Variants in NLRP14 observed in about 807,000 individuals in gnomAD.
The protein encoded by NLRP14 is NACHT, LRR and PYD domains-containing protein 14.
Under a neutral mutation model 94.7 loss-of-function variants are expected in NLRP14, and 105 were observed. The observed-to-expected ratio is 1.11, with a 90% CI of 0.95 to 1.30. The LOEUF (loss-of-function observed/expected upper bound fraction) is 1.30, where lower values mean the gene tolerates loss of function less well. NLRP14 is among the 50% of genes most tolerant of loss of function. The pLI is 0.00. For missense variants in NLRP14, 1,362 were observed against 1,254.1 expected (o/e 1.09, Z -1.30); for synonymous variants, 508 against 459.9 (o/e 1.10, Z -1.34).
At chr11:7,062,537 C>T (rs201647678) in intron 10 of NLRP14, 34 bp downstream of exon 10, 4 of 1,576,196 alleles carry the variant, frequency 2.5e-6, no homozygotes, top group East Asian at 2.2e-5. Context: ...GAAAATGATG[C>T]CTATTTGGTA....
intron 10 of NLRP14, among the ~76,000 whole-genome samples, chr11:7,063,014 G>T (rs2119695521): frequency 6.6e-6 from 1 of 152,234 alleles, no homozygotes; most frequent in African/African-American, 2.4e-5. Flanking sequence ...TCAGGGTCAA[G>T]AATTGTGCTC....
chr11:7,084,847 A>T, the NLRP14 span, among the ~76,000 whole-genome samples: 1 of 152,228 alleles, frequency 6.6e-6, no homozygotes, highest in East Asian at 1.9e-4. Flanking sequence ...TCATCTGGGG[A>T]TCCACTTCTT....
intron 1 of NLRP14, among the ~76,000 whole-genome samples, chr11:7,027,013 T>C (rs1852026281): frequency 6.6e-6 from 1 of 151,964 alleles, no homozygotes; most frequent in Admixed American, 6.6e-5. Context: ...CCCTTGCCCA[T>C]CCACACAATG....
intron 8 of NLRP14, 133 bp downstream of exon 8, chr11:7,058,583 T>A: frequency 1.4e-6 from 1 of 701,414 alleles, no homozygotes; most frequent in Non-Finnish European, 2.5e-6. Context: ...GTGAAAGTGA[T>A]ATTAATAATT....
the NLRP14 span, chr11:7,089,165 C>G: frequency 6.2e-7 from 1 of 1,613,948 alleles, no homozygotes; most frequent in South Asian, 1.1e-5. Context: ...TTGGGGGCCT[C>G]AACCTCGAAA....
the NLRP14 span, among the ~76,000 whole-genome samples, chr11:7,084,609 G>A: frequency 2.0e-5 from 3 of 151,976 alleles, no homozygotes; most frequent in Admixed American, 6.5e-5. Flanking sequence ...CTAGAAGGGT[G>A]GCTCACTCCA....
chr11:7,087,408 C>A, the NLRP14 span, among the ~76,000 whole-genome samples: 3 of 152,170 alleles, frequency 2.0e-5, no homozygotes. Flanking sequence ...TGGAGCCCTG[C>A]AAATAAATGC....
At position 7,043,386 on chromosome 11, in the gene NLRP14, C is replaced by T. The variant is rs1256740751; in HGVS notation, c.1360C>T (p.Gln454Ter). 1 of 1,614,144 alleles carries T rather than the reference C, an allele frequency of 6.2e-7. No individual in the cohort carries two copies. The highest frequency in any genetic ancestry group is 1.1e-5 in the South Asian group (1 of 91,078). Residue 454 changes from glutamine (Q) to a stop codon, truncating the protein, a stop_gained, in exon 4 of 12, where the codon CAA (glutamine) becomes TAA (stop). Transcript: ENST00000299481. LOFTEE classifies it high-confidence loss of function. ...AAATCTCAGAAGGCTTGGGTTAACT[C>T]AATCTGATGTCTCTAGTTTTATGGA... ...RENLRRLGLTQSDVSSFMDSN... is the reference protein window; with the variant it reads ...RENLRRLGLT
chr11:7,035,978 G>A (rs1323577733), intron 1 of NLRP14, among the ~76,000 whole-genome samples: 3 of 152,186 alleles, frequency 2.0e-5, no homozygotes, highest in Non-Finnish European at 2.9e-5. Flanking sequence ...ACCTGGGCAA[G>A]TTTCTTAATT....
chr11:7,078,031 C>T, the NLRP14 span, among the ~76,000 whole-genome samples: 1 of 152,038 alleles, frequency 6.6e-6, no homozygotes, highest in East Asian at 1.9e-4. Flanking sequence ...GTTTGCACAA[C>T]AATGTGAATG....
At chr11:7,060,203 C>G (rs1317019778) in intron 9 of NLRP14, 139 bp downstream of exon 9, 5 of 803,178 alleles carry the variant, frequency 6.2e-6, no homozygotes, top group African/African-American at 1.7e-5. Context: ...CTGCCTGAGA[C>G]AAGCTGGGGA....
At chr11:7,049,309 A>G (rs1852405862) in intron 5 of NLRP14, among the ~76,000 whole-genome samples, 1 of 152,190 alleles carries the variant, frequency 6.6e-6, no homozygotes, top group African/African-American at 2.4e-5. Flanking sequence ...CAGACAGTTG[A>G]TGCTAATTTT....
downstream of NLRP14, among the ~76,000 whole-genome samples, chr11:7,074,994 G>A: frequency 6.6e-6 from 1 of 152,184 alleles, no homozygotes; most frequent in Non-Finnish European, 1.5e-5. Context: ...TGCACCTGGG[G>A]AAGATAAGCT....
intron 1 of NLRP14, among the ~76,000 whole-genome samples, chr11:7,030,679 A>G (rs1852077917): frequency 6.6e-6 from 1 of 152,158 alleles, no homozygotes; most frequent in African/African-American, 2.4e-5. Flanking sequence ...TATTTTATTC[A>G]CTGCTAGACA....
At chr11:7,031,910 C>T (rs1445837078) in intron 1 of NLRP14, among the ~76,000 whole-genome samples, 1 of 152,186 alleles carries the variant, frequency 6.6e-6, no homozygotes, top group East Asian at 1.9e-4. Context: ...TGCTTGCTCC[C>T]GGCGTTGGTC....
the NLRP14 span, among the ~76,000 whole-genome samples, chr11:7,078,462 A>AAAAAAAAAAAAAG: frequency 5.0e-4 from 44 of 88,528 alleles, 9 homozygotes; most frequent in South Asian, 1.3e-3. Flanking sequence ...AAAAAAAAAA[A>AAAAAAAAAAAAAG]CAAAAAAATT....
rs1031382264 is a variant in NLRP14 at position 7,020,514 on chromosome 11, GA to G, written c.-277del. 1 of 152,338 alleles carries G rather than the reference GA, an allele frequency of 6.6e-6. No individual in the cohort carries two copies. 9.4% of individuals were successfully genotyped at this position (152,338 alleles called of 1,614,324 possible). A position where few individuals can be genotyped will look rare whatever the true frequency, so the allele number is the denominator to read the frequency against. On this transcript the variant is annotated 5_prime_UTR_variant, in exon 1 of 12. Coordinates refer to ENST00000299481, the MANE Select transcript of NLRP14 (RefSeq NM_176822.4). ...GGGCGGGAGCTGCGGGCGCTCGGGG[GA>G]TAAGGCGAGGACGCACCAGCATTAA... is the stretch of plus-strand genomic sequence containing the variant.
intron 6 of NLRP14, among the ~76,000 whole-genome samples, chr11:7,051,495 C>T (rs1344028035): frequency 6.6e-6 from 1 of 152,210 alleles, no homozygotes; most frequent in East Asian, 1.9e-4. Flanking sequence ...TGTCTTGCAA[C>T]ATATGATCCC....
chr11:7,058,469 T>C lies in NLRP14; in HGVS notation c.2633+19T>C. ...GCCTTGTGTAAGTGTCTTCAAGTTT[T>C]TATCCTTAATATATATTGTACATTT... is the stretch of plus-strand genomic sequence containing the variant. On this transcript the variant is annotated intron_variant, in intron 8 of 11. Coordinates refer to ENST00000299481, the MANE Select transcript of NLRP14 (RefSeq NM_176822.4). 6.5e-7 allele frequency: 1 copy of C among 1,544,678 alleles called. No homozygotes were observed. The highest frequency in any genetic ancestry group is 1.7e-5 in the Admixed American group (1 of 59,770).
Sources: allele counts gnomAD v4.1 joint callset (sites outside exome capture counted in the v4.1 genomes callset), GRCh38; gene constraint gnomAD v4.1.1; transcripts MANE v1.5; gene names NCBI Gene and HGNC (gene_info 2026-07-23, HGNC 2026-07-21).